The following ZNF652 variants were observed in gnomAD, a reference collection of about 807,000 sequenced individuals.
ZNF652 encodes zinc finger protein 652.
In ZNF652, 16 loss-of-function variants were observed where a neutral mutation model predicts 45.2. The observed-to-expected ratio is 0.35, with a 90% confidence interval of 0.24 to 0.54. The LOEUF is 0.54. ZNF652 is among the 20% of genes least tolerant of loss of function. The pLI, the probability that ZNF652 is intolerant of heterozygous loss-of-function variation, is 0.91. For synonymous variants in ZNF652, 250 were observed against 260.6 expected (o/e 0.96, Z 0.39); for missense variants, 614 against 765.6 (o/e 0.80, Z 2.34).
rs2069425336 is a variant in ZNF652, at chr17:49,293,137, T to C, written c.*5276A>G. ...CATACATATATTATTGAGTAATACATAGAGTAACAAAGCAGAAAGAAAGCC... is the reference window on the plus strand; with the variant it reads ...CATACATATATTATTGAGTAATACACAGAGTAACAAAGCAGAAAGAAAGCC... On this transcript the variant is annotated 3_prime_UTR_variant, in exon 6 of 6. Transcript: ENST00000430262. 6.6e-6 allele frequency among the ~76,000 whole-genome samples: 1 copy of C among 152,168 alleles called. No individual in the cohort carries two copies. Among genetic ancestry groups the C allele is most frequent in the African/African-American group, 2.4e-5 (1 of 41,450 alleles).
intron 1 of ZNF652, among the ~76,000 whole-genome samples, chr17:49,325,784 T>C (rs1429512113): frequency 6.6e-6 from 1 of 152,200 alleles, no homozygotes; most frequent in African/African-American, 2.4e-5. Context: ...ACTGTGCCAC[T>C]GCATGCTACT....
intron 1 of ZNF652, among the ~76,000 whole-genome samples, chr17:49,340,116 C>A (rs568895278): frequency 6.6e-6 from 1 of 152,242 alleles, no homozygotes; most frequent in South Asian, 2.1e-4. Flanking sequence ...AACTCTATTA[C>A]AGAAATAACA....
chr17:49,329,486 T>C (rs1301153292), intron 1 of ZNF652, among the ~76,000 whole-genome samples: 1 of 152,194 alleles, frequency 6.6e-6, no homozygotes, highest in African/African-American at 2.4e-5. Context: ...AAACATCAAA[T>C]GTCATATATC....
chr17:49,293,553 A>G lies in ZNF652; in HGVS notation c.*4860T>C, dbSNP rs894132317. Among the ~76,000 whole-genome samples, 1 of 150,484 alleles carries G rather than the reference A, an allele frequency of 6.6e-6. No homozygotes were observed. Among genetic ancestry groups the G allele is most frequent in the Non-Finnish European group, 1.5e-5 (1 of 67,894 alleles). On this transcript the variant is annotated 3_prime_UTR_variant, in exon 6 of 6. Coordinates refer to ENST00000430262, the MANE Select transcript of ZNF652 (RefSeq NM_001145365.3). ...TAGTGTCCAGGGTTGGAAGGTCATC[A>G]TTCTTTATTGTAAGTGCTACAGATG...
rs1305987954 is a variant in ZNF652, at chr17:49,293,172, G to A, written c.*5241C>T. Reference sequence around the variant, plus strand: ...AAGCAGAAAGAAAGCCACCTTGTAAGTAGTTTCTTACTACAATACAGATTC... The same window carrying A: ...AAGCAGAAAGAAAGCCACCTTGTAAATAGTTTCTTACTACAATACAGATTC... On this transcript the variant is annotated 3_prime_UTR_variant, in exon 6 of 6. Transcript: ENST00000430262. Among the ~76,000 whole-genome samples the A allele has an allele frequency of 2.6e-5, 4 of 152,192 alleles. No homozygotes were observed. In the East Asian group the frequency reaches 7.7e-4, roughly 29 times the overall value.
At position 49,351,002 on chromosome 17, in the gene ZNF652, TATATATATATATACACACACACACAC is replaced by T. The variant is rs1251240757; in HGVS notation, c.-259+10881_-259+10906del. ...ATATATATATATATATATATATATA[TATATATATATATACACACACACACAC>T]ACACACACACACACACACACACACA... On this transcript the variant is annotated intron_variant, in intron 1 of 5. Coordinates refer to ENST00000430262, the MANE Select transcript of ZNF652 (RefSeq NM_001145365.3). Among the ~76,000 whole-genome samples, 18 of 20,514 alleles carry T rather than the reference TATATATATATATACACACACACACAC, an allele frequency of 8.8e-4. 2 individuals carry two copies. The highest frequency in any genetic ancestry group is 1.6e-3 in the African/African-American group (6 of 3,736). 13.5% of individuals were successfully genotyped at this position (20,514 alleles called of 152,430 possible).
rs974269402 is a variant in ZNF652, at chr17:49,292,035, T to C, written c.*6378A>G. 6.6e-6 allele frequency among the ~76,000 whole-genome samples: 1 copy of C among 152,152 alleles called. No individual in the cohort carries two copies. The highest frequency in any genetic ancestry group is 2.4e-5 in the African/African-American group (1 of 41,430). On this transcript the variant is annotated 3_prime_UTR_variant, in exon 6 of 6. Transcript: ENST00000430262. ...ATGGAGAATGTATTAACAGCTGCCT[T>C]CTTAGATACCCACCTTGTGTGGTTA...
intron 1 of ZNF652, among the ~76,000 whole-genome samples, chr17:49,350,217 T>C (rs893046914): frequency 2.6e-5 from 4 of 151,888 alleles, no homozygotes; most frequent in African/African-American, 9.7e-5. Context: ...AACTTTTCTG[T>C]AAATTTAAGA....
rs1358839191 is a variant in ZNF652, at chr17:49,295,505, A to G, written c.*2908T>C. 1 of 152,404 alleles carries G rather than the reference A, an allele frequency of 6.6e-6. No homozygotes were observed. The highest frequency in any genetic ancestry group is 1.5e-5 in the Non-Finnish European group (1 of 68,000). 9.4% of individuals were successfully genotyped at this position (152,404 alleles called of 1,614,324 possible). On this transcript the variant is annotated 3_prime_UTR_variant, in exon 6 of 6. Transcript: ENST00000430262. ...GTATAGCAGATATTTTCTTATGGCTATATTTACTTGAATGAAAAATCAAAG... is the reference window on the plus strand; with the variant it reads ...GTATAGCAGATATTTTCTTATGGCTGTATTTACTTGAATGAAAAATCAAAG...
At chr17:49,342,661 A>G (rs1476422428) in intron 1 of ZNF652, among the ~76,000 whole-genome samples, 1 of 150,404 alleles carries the variant, frequency 6.6e-6, no homozygotes, top group Non-Finnish European at 1.5e-5. Flanking sequence ...TGTGTATCAT[A>G]TTGACAAACC....
rs779533531 is a variant in ZNF652, at chr17:49,317,643, C to T, written c.83G>A (p.Arg28His). Residue 28 changes from arginine to histidine, a missense_variant, in exon 2 of 6, where the codon CGT becomes CAT. Physicochemically the swap from Arg to His is conservative, Grantham distance 29. Around this residue, in one of 5 missense-constraint regions of ZNF652, gnomAD observed 133 missense variants for 132.2 expected, o/e 1.01. Transcript: ENST00000430262. ...HVAGMAQEDS[R>H]RGQVPSSFYH... ...AAAGGAAGATGGCACTTGACCACGA[C>T]GGCTATCTTCTTGTGCCATTCCTGC... is the stretch of plus-strand genomic sequence containing the variant. 2.7e-5 allele frequency: 44 copies of T among 1,613,634 alleles called. No individual in the cohort carries two copies. Among genetic ancestry groups the T allele is most frequent in the Admixed American group, 1.8e-4 (11 of 60,008 alleles).
At chr17:49,299,046 C>T in intron 5 of ZNF652, 122 bp from the exon 6 acceptor site, 1 of 1,080,582 alleles carries the variant, frequency 9.3e-7, no homozygotes, top group Non-Finnish European at 1.3e-6. Context: ...GAACTCCTGG[C>T]CTCAAGTGAT....
Position 49,298,270 on chromosome 17 carries a change from G to T in ZNF652, c.*143C>A. 5 of 1,015,644 alleles carry T rather than the reference G, an allele frequency of 4.9e-6. No individual in the cohort carries two copies. Among genetic ancestry groups the T allele is most frequent in the Non-Finnish European group, 5.7e-6 (4 of 706,818 alleles). 62.9% of individuals were successfully genotyped at this position (1,015,644 alleles called of 1,614,324 possible). The stretch of plus-strand genomic sequence containing the variant: ...GGTAGTCTTCTTGTTCATTCCCTTG[G>T]ATCTGTTGATTCAGTGACACTGGCG... On this transcript the variant is annotated 3_prime_UTR_variant, in exon 6 of 6. Transcript: ENST00000430262.
At chr17:49,357,381 T>G (rs985523942) in intron 1 of ZNF652, among the ~76,000 whole-genome samples, 1 of 151,876 alleles carries the variant, frequency 6.6e-6, no homozygotes, top group African/African-American at 2.4e-5. Flanking sequence ...ACATATATAA[T>G]CTACAGGCCT....
intron 1 of ZNF652, among the ~76,000 whole-genome samples, chr17:49,336,942 G>GC (rs1418902613): frequency 8.7e-6 from 1 of 115,172 alleles, no homozygotes; most frequent in Non-Finnish European, 1.7e-5. Context: ...TCTTAATGGT[G>GC]TTTTTTTTTT....
chr17:49,299,383 CT>C (rs2069521696), intron 5 of ZNF652, among the ~76,000 whole-genome samples: 2 of 151,712 alleles, frequency 1.3e-5, no homozygotes, highest in African/African-American at 2.4e-5. Context: ...AATTTTTTTT[CT>C]TTTTTAGTTT....
At chr17:49,351,008 T>TAC (rs2070271421) in intron 1 of ZNF652, among the ~76,000 whole-genome samples, 1 of 18,456 alleles carries the variant, frequency 5.4e-5, no homozygotes, top group East Asian at 1.5e-3. Context: ...TATATATATA[T>TAC]ATATATACAC....
At chr17:49,356,852 C>T (rs1167689542) in intron 1 of ZNF652, among the ~76,000 whole-genome samples, 1 of 152,196 alleles carries the variant, frequency 6.6e-6, no homozygotes, top group Non-Finnish European at 1.5e-5. Context: ...TATCACAACG[C>T]TATCCTGCAA....
chr17:49,320,936 G>A (rs1312671814), intron 1 of ZNF652, among the ~76,000 whole-genome samples: 26 of 151,668 alleles, frequency 1.7e-4, no homozygotes, highest in African/African-American at 2.4e-5. Flanking sequence ...CTGCAACCAC[G>A]CCTCTTGGGT....
Sources: allele counts gnomAD v4.1 joint callset (sites outside exome capture counted in the v4.1 genomes callset), GRCh38; gene constraint gnomAD v4.1.1; regional missense constraint gnomAD v4.1.1; transcripts MANE v1.5; gene names NCBI Gene and HGNC (gene_info 2026-07-23, HGNC 2026-07-21).